The following SLC9A2 variants were observed in gnomAD, a reference collection of about 807,000 sequenced individuals.
The protein encoded by SLC9A2 is solute carrier family 9 member A2.
SLC9A2 carries 42 observed loss-of-function variants against 71.7 expected under a neutral mutation model. The observed-to-expected ratio is 0.59, with a 90% CI of 0.46 to 0.76. SLC9A2 has a LOEUF of 0.76. Among genes scored for constraint, SLC9A2 ranks in the 30% least tolerant of loss-of-function variants. The pLI is 0.00. For synonymous variants in SLC9A2, 396 were observed against 392.5 expected, an observed-to-expected ratio of 1.01 and a Z score of -0.10; for missense variants, 829 against 1,017.4, an observed-to-expected ratio of 0.81 and a Z score of 2.52.
rs748745193 is a variant in SLC9A2, at chr2:102,657,935, G to C, written c.661G>C (p.Ala221Pro). The change falls in exon 2 of 12, where the codon GCT becomes CCT. Residue 221 changes from alanine (A) to proline (P), a missense_variant. Ala to Pro is a conservative substitution (Grantham distance 27). Around this residue, in one of 3 missense-constraint regions of SLC9A2, gnomAD observed 500 missense variants for 726.3 expected, o/e 0.69. Coordinates refer to ENST00000233969, the MANE Select transcript of SLC9A2 (RefSeq NM_003048.6). ...CTTAATCTCAGCTGTCGATCCTGTG[G>C]CTGTGCTTGCTGTCTTTGAGAACAT... Reference protein sequence around the residue: ...GSLISAVDPVAVLAVFENIHV... With the variant: ...GSLISAVDPVPVLAVFENIHV... 2 of 1,614,174 alleles carry C rather than the reference G, an allele frequency of 1.2e-6. No homozygotes were observed. The highest frequency in any genetic ancestry group is 1.7e-6 in the Non-Finnish European group (2 of 1,180,032).
At chr2:102,665,553 T>A (rs1677118352) in intron 3 of SLC9A2, among the ~76,000 whole-genome samples, 1 of 151,892 alleles carries the variant, frequency 6.6e-6, no homozygotes, top group Non-Finnish European at 1.5e-5. Flanking sequence ...GACGCGTGGA[T>A]CACAAGGTCA....
chr2:102,638,836 TAAAAC>T (rs1310797598), intron 1 of SLC9A2, among the ~76,000 whole-genome samples: 2 of 152,178 alleles, frequency 1.3e-5, no homozygotes, highest in African/African-American at 2.4e-5. Context: ...TTAACAGTCT[TAAAAC>T]AAAATAAAAA....
At chr2:102,694,929 C>A in intron 6 of SLC9A2, 114 bp from the exon 7 acceptor site, 1 of 828,508 alleles carries the variant, frequency 1.2e-6, no homozygotes, top group Non-Finnish European at 2.0e-6. Context: ...AAATAATAAA[C>A]AAATAAGAAG....
intron 1 of SLC9A2, among the ~76,000 whole-genome samples, chr2:102,622,295 G>T (rs1333571737): frequency 6.6e-6 from 1 of 152,134 alleles, no homozygotes; most frequent in Admixed American, 6.6e-5. Context: ...AGCACACAAA[G>T]TGGCGAGCCA....
intron 5 of SLC9A2, among the ~76,000 whole-genome samples, chr2:102,686,992 C>A (rs1320518724): frequency 6.6e-6 from 1 of 152,168 alleles, no homozygotes; most frequent in Non-Finnish European, 1.5e-5. Context: ...TCAAGCTAAT[C>A]CTCCACTGAG....
chr2:102,688,794 C>T (rs1348677863), intron 5 of SLC9A2, among the ~76,000 whole-genome samples: 1 of 152,056 alleles, frequency 6.6e-6, no homozygotes, highest in Non-Finnish European at 1.5e-5. Context: ...TAAGTTCTTT[C>T]AATATATTTT....
intron 1 of SLC9A2, among the ~76,000 whole-genome samples, chr2:102,644,309 T>C (rs1041797849): frequency 6.6e-6 from 1 of 152,028 alleles, no homozygotes. Flanking sequence ...TTCCCTTGGT[T>C]TTTGCAACCC....
chr2:102,676,779 C>A (rs1367077085), intron 3 of SLC9A2, among the ~76,000 whole-genome samples: 2 of 152,250 alleles, frequency 1.3e-5, no homozygotes, highest in Non-Finnish European at 2.9e-5. Flanking sequence ...AGAGTCACCA[C>A]AAGACCTGGC....
intron 1 of SLC9A2, among the ~76,000 whole-genome samples, chr2:102,626,653 A>C (rs1313288534): frequency 6.6e-6 from 1 of 152,238 alleles, no homozygotes; most frequent in East Asian, 1.9e-4. Context: ...GAGTGGGAGA[A>C]AATTTTTGCA....
rs1010535298 is a variant in SLC9A2 at position 102,708,853 on chromosome 2, G to GA, written c.*370dup. 12 of 206,872 alleles carry GA rather than the reference G, an allele frequency of 5.8e-5. No homozygotes were observed. Among genetic ancestry groups the GA allele is most frequent in the Middle Eastern group, 2.0e-3 (1 of 494 alleles). 12.8% of individuals were successfully genotyped at this position (206,872 alleles called of 1,614,324 possible). Reference sequence around the variant, plus strand: ...CTTATATGCTTCAAATTTTATTTATGAAAAAATATGTATATCTGTAATCAG... The same window carrying GA: ...CTTATATGCTTCAAATTTTATTTATGAAAAAAATATGTATATCTGTAATCAG... On this transcript the variant is annotated 3_prime_UTR_variant, in exon 12 of 12. Coordinates refer to ENST00000233969, the MANE Select transcript of SLC9A2 (RefSeq NM_003048.6).
chr2:102,695,770 A>ACTATATATTAT (rs1327321131), intron 7 of SLC9A2, among the ~76,000 whole-genome samples: 1 of 99,666 alleles, frequency 1.0e-5, no homozygotes, highest in Non-Finnish European at 2.1e-5. Context: ...ATATATATAT[A>ACTATATATTAT]ATATATATTA....
In SLC9A2 at chr2:102,708,318, C is replaced by T. The variant is rs1401103036; in HGVS notation, c.2268C>T (p.Gly756=). Residue 756 remains glycine, a synonymous_variant, in exon 12 of 12, where the codon GGC becomes GGT. Transcript: ENST00000233969. ...CAACACCCCACAGCAGAGAAAAGGG[C>T]ACCCAGACGTCAGGCTTACTACAGC... is the stretch of plus-strand genomic sequence containing the variant. ...TPPTPHSREK[G]TQTSGLLQQP... is the part of the protein sequence containing the mutation. The T allele has an allele frequency of 5.0e-6, 8 of 1,614,030 alleles. No homozygotes were observed. The highest frequency in any genetic ancestry group is 6.8e-6 in the Non-Finnish European group (8 of 1,180,028).
In SLC9A2 at chr2:102,632,025, T is replaced by TACACAC. The variant is rs1404734717; in HGVS notation, c.289+11889_289+11890insCACACA. On this transcript the variant is annotated intron_variant, in intron 1 of 11. Coordinates refer to ENST00000233969, the MANE Select transcript of SLC9A2 (RefSeq NM_003048.6). ...ATATATATATATATATATATATATA[T>TACACAC]ATATATATATATACATACACACACA... 4.5e-5 allele frequency among the ~76,000 whole-genome samples: 4 copies of TACACAC among 89,234 alleles called. 1 individual carries two copies. Among genetic ancestry groups the TACACAC allele is most frequent in the African/African-American group, 1.7e-4 (4 of 23,844 alleles). 58.5% of individuals were successfully genotyped at this position (89,234 alleles called of 152,430 possible).
rs773252724 is a variant in SLC9A2 at position 102,665,373 on chromosome 2, TG to T, written c.1004+24del. ...GGCGTAAGTACTTCTTTGTTAAAAGTGCTCGATGATGGCATTTCATTGAATG... is the reference window on the plus strand; with the variant it reads ...GGCGTAAGTACTTCTTTGTTAAAAGTCTCGATGATGGCATTTCATTGAATG... On this transcript the variant is annotated intron_variant, in intron 3 of 11. Transcript: ENST00000233969. 3.0e-5 allele frequency: 47 copies of T among 1,592,696 alleles called. 1 individual carries two copies. In the South Asian group the frequency reaches 4.6e-4, roughly 16 times the overall value.
intron 1 of SLC9A2, among the ~76,000 whole-genome samples, chr2:102,647,826 G>T (rs1428495486): frequency 1.3e-5 from 2 of 151,086 alleles, no homozygotes; most frequent in Non-Finnish European, 1.5e-5. Context: ...CCAAAAACAA[G>T]TTCTGAAATT....
intron 1 of SLC9A2, among the ~76,000 whole-genome samples, chr2:102,620,548 GGC>G (rs961846562): frequency 1.3e-5 from 2 of 152,144 alleles, no homozygotes; most frequent in African/African-American, 2.4e-5. Flanking sequence ...ACAGGAGAGA[GGC>G]GCCTTGGCAG....
chr2:102,678,404 A>G (rs1677382616), intron 3 of SLC9A2, among the ~76,000 whole-genome samples: 1 of 152,160 alleles, frequency 6.6e-6, no homozygotes, highest in Non-Finnish European at 1.5e-5. Flanking sequence ...GAGCTAATAA[A>G]AGTAAGGATG....
At chr2:102,623,338 T>C (rs1033448217) in intron 1 of SLC9A2, among the ~76,000 whole-genome samples, 1 of 151,534 alleles carries the variant, frequency 6.6e-6, no homozygotes, top group Non-Finnish European at 1.5e-5. Flanking sequence ...GAAAGTGGAG[T>C]TTTAGAGTCC....
chr2:102,628,898 T>C (rs549221844), intron 1 of SLC9A2, among the ~76,000 whole-genome samples: 109 of 152,282 alleles, frequency 7.2e-4, no homozygotes, highest in African/African-American at 2.4e-3. Context: ...ATAGGTATAA[T>C]GCTGATTTTT....
Sources: allele counts gnomAD v4.1 joint callset (sites outside exome capture counted in the v4.1 genomes callset), GRCh38; gene constraint gnomAD v4.1.1; regional missense constraint gnomAD v4.1.1; transcripts MANE v1.5; gene names NCBI Gene and HGNC (gene_info 2026-07-23, HGNC 2026-07-21).